The following EEIG2 variants were observed in gnomAD, a reference collection of about 807,000 sequenced individuals.
The protein encoded by EEIG2 is EEIG family member 2, also known as family with sequence similarity 102 member B.
At chr1:108,600,785 G>A in the EEIG2 span, 1 of 1,295,944 alleles carries the variant, frequency 7.7e-7, no homozygotes, top group Non-Finnish European at 1.1e-6. Flanking sequence ...TGTTTCATTA[G>A]AACTGTATAT....
chr1:108,569,887 A>C, the EEIG2 span, among the ~76,000 whole-genome samples: 2 of 152,096 alleles, frequency 1.3e-5, no homozygotes, highest in East Asian at 3.9e-4. Flanking sequence ...CCTACAGTCC[A>C]CCCACGGCTC....
chr1:108,626,783 A>G, the EEIG2 span: 4 of 152,268 alleles, frequency 2.6e-5, no homozygotes, highest in South Asian at 8.3e-4. Flanking sequence ...CTATATGCCA[A>G]CTTTACCAAA....
At chr1:108,604,896 T>G in the EEIG2 span, among the ~76,000 whole-genome samples, 1 of 149,794 alleles carries the variant, frequency 6.7e-6, no homozygotes, top group African/African-American at 2.5e-5. Flanking sequence ...AAAAAAAAAT[T>G]AGCTGGGTGT....
the EEIG2 span, chr1:108,624,777 A>T: frequency 6.3e-7 from 1 of 1,585,516 alleles, no homozygotes; most frequent in Non-Finnish European, 8.6e-7. Context: ...CTGGTTTTTT[A>T]ATTTGTGAGA....
At chr1:108,591,999 G>T in the EEIG2 span, among the ~76,000 whole-genome samples, 1 of 152,200 alleles carries the variant, frequency 6.6e-6, no homozygotes, top group Non-Finnish European at 1.5e-5. Context: ...CCCCATTAAG[G>T]AGGTTGAACC....
chr1:108,566,498 A>G, the EEIG2 span, among the ~76,000 whole-genome samples: 5 of 152,174 alleles, frequency 3.3e-5, no homozygotes, highest in Non-Finnish European at 4.4e-5. Flanking sequence ...AGAATTATTT[A>G]TACACTAGAT....
the EEIG2 span, among the ~76,000 whole-genome samples, chr1:108,589,765 A>T: frequency 1.5e-5 from 2 of 136,576 alleles, no homozygotes; most frequent in East Asian, 4.1e-4. Flanking sequence ...GACTATTTAC[A>T]TGCTGAGGTC....
the EEIG2 span, among the ~76,000 whole-genome samples, chr1:108,623,853 G>A: frequency 1.3e-5 from 2 of 151,836 alleles, no homozygotes; most frequent in African/African-American, 2.4e-5. Context: ...TGTATTTTTA[G>A]TAGAGACTGG....
At chr1:108,571,390 T>G in the EEIG2 span, among the ~76,000 whole-genome samples, 1 of 152,072 alleles carries the variant, frequency 6.6e-6, no homozygotes, top group Admixed American at 6.6e-5. Context: ...GAGTGTTCTA[T>G]GAAGAGACTA....
At chr1:108,560,302 C>T in the EEIG2 span, 4 of 683,260 alleles carry the variant, frequency 5.9e-6, no homozygotes, top group Non-Finnish European at 3.6e-6. Flanking sequence ...GCCTGCGGCG[C>T]CCCCCGGCCG....
chr1:108,624,877 AT>A, the EEIG2 span: 1 of 696,478 alleles, frequency 1.4e-6, no homozygotes, highest in South Asian at 1.9e-5. Flanking sequence ...TAATTATGTA[AT>A]TCTTGGTTGA....
the EEIG2 span, among the ~76,000 whole-genome samples, chr1:108,563,552 A>G: frequency 6.6e-6 from 1 of 152,208 alleles, no homozygotes; most frequent in Non-Finnish European, 1.5e-5. Flanking sequence ...AGAGGCACAC[A>G]GAAAATTGCA....
At chr1:108,627,037 G>A in the EEIG2 span, 3 of 152,148 alleles carry the variant, frequency 2.0e-5, no homozygotes, top group Middle Eastern at 3.4e-3. Context: ...GTCTTATTTT[G>A]TACTTCCTAT....
chr1:108,596,631 T>C, the EEIG2 span, among the ~76,000 whole-genome samples: 5 of 152,212 alleles, frequency 3.3e-5, no homozygotes, highest in African/African-American at 7.2e-5. Context: ...TTTAAAAATA[T>C]AGCATCCTAT....
At chr1:108,612,998 A>G in the EEIG2 span, among the ~76,000 whole-genome samples, 1 of 152,216 alleles carries the variant, frequency 6.6e-6, no homozygotes, top group African/African-American at 2.4e-5. Context: ...ACAGTTTTCA[A>G]ACTTTTTTGC....
chr1:108,609,912 G>A, the EEIG2 span, among the ~76,000 whole-genome samples: 1 of 152,128 alleles, frequency 6.6e-6, no homozygotes, highest in Non-Finnish European at 1.5e-5. Flanking sequence ...TCGGGAGGGG[G>A]CGGGAGGAGC....
chr1:108,636,883 TTTA>T, the EEIG2 span: 3 of 152,180 alleles, frequency 2.0e-5, no homozygotes, highest in East Asian at 3.8e-4. Flanking sequence ...TAGAGAGATA[TTTA>T]TTATGACATT....
the EEIG2 span, among the ~76,000 whole-genome samples, chr1:108,590,672 T>C: frequency 6.6e-6 from 1 of 152,228 alleles, no homozygotes; most frequent in Non-Finnish European, 1.5e-5. Flanking sequence ...GCAGCCTGGC[T>C]CTGGATCCTT....
the EEIG2 span, among the ~76,000 whole-genome samples, chr1:108,610,911 A>G: frequency 6.6e-6 from 1 of 152,144 alleles, no homozygotes. Context: ...AGATCGTGCC[A>G]CTGCACTCCA....
Sources: allele counts gnomAD v4.1 joint callset (sites outside exome capture counted in the v4.1 genomes callset), GRCh38; gene constraint gnomAD v4.1.1; transcripts MANE v1.5; gene names NCBI Gene and HGNC (gene_info 2026-07-23, HGNC 2026-07-21).